FAR2: variants seen among roughly 807,000 people sequenced by gnomAD.
FAR2 encodes epididymis secretory protein Li 81.
Under a neutral mutation model 56.0 loss-of-function variants are expected in FAR2, and 19 were observed. The ratio of observed to expected loss-of-function variants is 0.34; its 90% confidence interval spans 0.24 to 0.50. The LOEUF (loss-of-function observed/expected upper bound fraction) is 0.50. Ranked by LOEUF, FAR2 falls within the 20% of genes least tolerant of loss-of-function variation. The probability of loss-of-function intolerance (pLI) is 0.98; values close to 1 mark genes in which losing one functional copy is unlikely to be tolerated. For synonymous variants in FAR2, 219 were observed against 218.8 expected (o/e 1.00, Z -0.01); for missense variants, 508 against 642.2 (o/e 0.79, Z 2.26).
rs140745931 is a variant in FAR2 at position 29,174,506 on chromosome 12, G to A, written c.-39+25099G>A. Among the ~76,000 whole-genome samples the A allele has an allele frequency of 9.3e-4, 122 of 130,656 alleles. 2 individuals carry two copies. The South Asian group carries it at 0.018, about 19-fold the overall frequency. 85.7% of individuals were successfully genotyped at this position (130,656 alleles called of 152,430 possible). On this transcript the variant is annotated intron_variant, in intron 1 of 11. Coordinates refer to ENST00000536681, the MANE Select transcript of FAR2 (RefSeq NM_001271783.2). ...GGCTAGAGTGCAGTGGCACAATCTC[G>A]GCCTCCCCAGTTCATGCCATTCTCC...
chr12:29,278,868 A>T (rs1948743204), intron 2 of FAR2, among the ~76,000 whole-genome samples: 1 of 152,126 alleles, frequency 6.6e-6, no homozygotes, highest in Admixed American at 6.5e-5. Context: ...ACTCCTAAGC[A>T]CTCAGGAATT....
chr12:29,189,991 G>A (rs780750347), intron 1 of FAR2, among the ~76,000 whole-genome samples: 6 of 152,254 alleles, frequency 3.9e-5, no homozygotes, highest in South Asian at 2.1e-4. Flanking sequence ...GGAGAATGAG[G>A]GGAAATAGAA....
intron 1 of FAR2, among the ~76,000 whole-genome samples, chr12:29,153,447 C>A (rs1249086810): frequency 6.6e-6 from 1 of 152,156 alleles, no homozygotes; most frequent in Non-Finnish European, 1.5e-5. Flanking sequence ...AGAAGGCAGG[C>A]CTTGTGACTG....
rs374724293 is a variant in FAR2, at chr12:29,157,611, GAAT to G, written c.-39+8209_-39+8211del. Reference sequence around the variant, plus strand: ...ATAACAGGATGACCATAGGAGGCAAGAATAATATTTCCTGAGCCAAGAAATGAG... The same window carrying G: ...ATAACAGGATGACCATAGGAGGCAAGAATATTTCCTGAGCCAAGAAATGAG... On this transcript the variant is annotated intron_variant, in intron 1 of 11. Transcript: ENST00000536681. 3.3e-5 allele frequency among the ~76,000 whole-genome samples: 5 copies of G among 152,224 alleles called. No individual in the cohort carries two copies. In the East Asian group the frequency reaches 7.7e-4, roughly 24 times the overall value.
At chr12:29,280,819 C>T (rs1437937018) in intron 2 of FAR2, 1 of 152,188 alleles carries the variant, frequency 6.6e-6, no homozygotes, top group African/African-American at 2.4e-5. Flanking sequence ...GGCCCAGGCC[C>T]AGAAGTGCCT....
At chr12:29,302,305 T>A (rs1949185946) in intron 4 of FAR2, among the ~76,000 whole-genome samples, 1 of 147,414 alleles carries the variant, frequency 6.8e-6, no homozygotes, top group African/African-American at 2.5e-5. Flanking sequence ...AGAGCTCGTA[T>A]CCAAGACAAA....
At chr12:29,330,119 A>C (rs544849405) in intron 10 of FAR2, among the ~76,000 whole-genome samples, 2 of 145,446 alleles carry the variant, frequency 1.4e-5, no homozygotes, top group Admixed American at 7.0e-5. Context: ...TGCAGTGGCA[A>C]GATCTTGGCT....
chr12:29,257,461 C>T (rs964322458), intron 1 of FAR2, among the ~76,000 whole-genome samples: 2 of 152,130 alleles, frequency 1.3e-5, no homozygotes, highest in Non-Finnish European at 2.9e-5. Flanking sequence ...AGCAGGCTGC[C>T]CAAGCCAGCA....
At chr12:29,287,262 G>A (rs1948893491) in intron 2 of FAR2, among the ~76,000 whole-genome samples, 1 of 152,160 alleles carries the variant, frequency 6.6e-6, no homozygotes, top group Non-Finnish European at 1.5e-5. Context: ...AAAGTTGACA[G>A]CCATACTACT....
chr12:29,198,790 A>C (rs1488503188), intron 1 of FAR2, among the ~76,000 whole-genome samples: 1 of 152,030 alleles, frequency 6.6e-6, no homozygotes, highest in South Asian at 2.1e-4. Flanking sequence ...CGTCATAACC[A>C]CTATTTTCTT....
intron 1 of FAR2, chr12:29,151,614 C>A (rs912924864): frequency 6.6e-6 from 1 of 152,186 alleles, no homozygotes; most frequent in Admixed American, 6.5e-5. Context: ...CAAATTATAT[C>A]CTGACCCCAG....
At position 29,332,064 on chromosome 12, in the gene FAR2, TTC is replaced by T. The variant is rs1168813249; in HGVS notation, c.1258-534_1258-533del. 2.1e-4 allele frequency: 33 copies of T among 157,036 alleles called. No individual in the cohort carries two copies. In the East Asian group the frequency reaches 6.3e-3, roughly 30 times the overall value. 9.7% of individuals were successfully genotyped at this position (157,036 alleles called of 1,614,324 possible). On this transcript the variant is annotated intron_variant, in intron 10 of 11. Coordinates refer to ENST00000536681, the MANE Select transcript of FAR2 (RefSeq NM_001271783.2). ...CCCCCATGTTGTGATCACTCCTTTT[TTC>T]TTTCACTACCAATCACTCTCTTCTT... is the stretch of plus-strand genomic sequence containing the variant.
In FAR2 at chr12:29,228,690, C is replaced by A. The variant is rs145739362; in HGVS notation, c.-38-41722C>A. On this transcript the variant is annotated intron_variant, in intron 1 of 11. Transcript: ENST00000536681. ...GCAGTCTCTGCCTCCTGGGTTCAAG[C>A]CATTCTCCCACCTCATACTCCTGAG... 8.5e-4 allele frequency among the ~76,000 whole-genome samples: 129 copies of A among 152,260 alleles called. 2 individuals are homozygous for A. The East Asian group carries it at 0.023, about 28-fold the overall frequency.
intron 1 of FAR2, among the ~76,000 whole-genome samples, chr12:29,193,414 C>T (rs867305809): frequency 3.3e-5 from 5 of 152,186 alleles, no homozygotes; most frequent in South Asian, 2.1e-4. Context: ...CCTCCCTCTC[C>T]CTAACCCCTA....
At chr12:29,177,816 G>A (rs1949952475) in intron 1 of FAR2, among the ~76,000 whole-genome samples, 1 of 140,700 alleles carries the variant, frequency 7.1e-6, no homozygotes, top group South Asian at 2.3e-4. Flanking sequence ...TAATTAAATA[G>A]CTATTGTAGT....
chr12:29,156,612 C>T (rs1307157496), intron 1 of FAR2: 1 of 152,034 alleles, frequency 6.6e-6, no homozygotes. Context: ...TGAGTAGTCG[C>T]CTCTGATTTT....
intron 1 of FAR2, among the ~76,000 whole-genome samples, chr12:29,239,208 AC>A (rs1947986030): frequency 1.3e-5 from 2 of 152,174 alleles, no homozygotes; most frequent in Admixed American, 6.6e-5. Context: ...GGGATTACAC[AC>A]GGAGTGAGTC....
chr12:29,228,542 G>C (rs1035125241), intron 1 of FAR2, among the ~76,000 whole-genome samples: 5 of 152,060 alleles, frequency 3.3e-5, no homozygotes, highest in African/African-American at 4.8e-5. Flanking sequence ...CTGAAGTACA[G>C]ATGTCCCTTA....
At chr12:29,326,747 G>A (rs12985972) in intron 10 of FAR2, among the ~76,000 whole-genome samples, 11 of 151,984 alleles carry the variant, frequency 7.2e-5, no homozygotes, top group Middle Eastern at 3.2e-3. Context: ...TTGATGGGAC[G>A]TATCTCAAAA....
Sources: gnomAD v4.1 joint callset for allele counts (sites outside exome capture counted in the v4.1 genomes callset) on GRCh38, gnomAD v4.1.1 for gene constraint, MANE v1.5 for transcripts, NCBI Gene and HGNC (gene_info 2026-07-23, HGNC 2026-07-21) for gene names.